Variants in DOCK5 observed in about 807,000 individuals in gnomAD.
DOCK5 encodes the protein dedicator of cytokinesis 5, also known as dedicator of cytokinesis protein 5.
DOCK5 carries 142 observed loss-of-function variants against 251.8 expected under a neutral mutation model. That is an observed-to-expected ratio of 0.56 (90% CI 0.49 to 0.65). The LOEUF is 0.65. DOCK5 is among the 30% of genes least tolerant of loss of function. The pLI, the probability that DOCK5 is intolerant of heterozygous loss-of-function variation, is 0.00. For missense variants in DOCK5, 2,111 were observed against 2,312.3 expected (o/e 0.91, Z 1.79); for synonymous variants, 842 against 835.5 (o/e 1.01, Z -0.13).
At chr8:25,262,052 T>A (rs1803600368) in intron 2 of DOCK5, among the ~76,000 whole-genome samples, 1 of 152,208 alleles carries the variant, frequency 6.6e-6, no homozygotes, top group Admixed American at 6.5e-5. Context: ...TTTTGATGTA[T>A]TCCAGCTTTT....
chr8:25,374,293 C>T (rs987368866), intron 36 of DOCK5, among the ~76,000 whole-genome samples: 3 of 152,068 alleles, frequency 2.0e-5, no homozygotes, highest in African/African-American at 4.8e-5. Context: ...GAGCTGAACA[C>T]TAAATCAACT....
intron 18 of DOCK5, among the ~76,000 whole-genome samples, chr8:25,327,696 C>T (rs541418649): frequency 2.6e-5 from 4 of 152,228 alleles, no homozygotes; most frequent in Admixed American, 2.0e-4. Flanking sequence ...AGCCCCCAGA[C>T]ACATGTAGCT....
In DOCK5 at chr8:25,334,162, A is replaced by G. The variant is rs1805745370; in HGVS notation, c.2158A>G (p.Ile720Val). 1 of 1,613,932 alleles carries G rather than the reference A, an allele frequency of 6.2e-7. No individual in the cohort carries two copies. The highest frequency in any genetic ancestry group is 8.5e-7 in the Non-Finnish European group (1 of 1,179,814). Residue 720 changes from isoleucine (I) to valine (V), a missense_variant, in exon 21 of 52, where the codon ATT (isoleucine) becomes GTT (valine). Transcript: ENST00000276440. The stretch of plus-strand genomic sequence containing the variant: ...TTTTAATCCTGTACTTGAAACCTAC[A>G]TTTACAAGCACTTCAGCGCCACTTT... Reference protein sequence around the residue: ...QHFNPVLETYIYKHFSATLAY... With the variant: ...QHFNPVLETYVYKHFSATLAY...
At chr8:25,335,145 G>A (rs1805772834) in intron 21 of DOCK5, among the ~76,000 whole-genome samples, 1 of 152,216 alleles carries the variant, frequency 6.6e-6, no homozygotes, top group African/African-American at 2.4e-5. Context: ...TGAAAGGAAT[G>A]TAGCTGGATT....
intron 4 of DOCK5, among the ~76,000 whole-genome samples, chr8:25,278,057 C>T (rs1442224589): frequency 6.6e-6 from 1 of 152,098 alleles, no homozygotes; most frequent in Non-Finnish European, 1.5e-5. Context: ...TGTGAAACTG[C>T]AGATGAGAAG....
intron 1 of DOCK5, among the ~76,000 whole-genome samples, chr8:25,193,995 G>A (rs922377652): frequency 1.1e-4 from 16 of 151,832 alleles, no homozygotes; most frequent in Non-Finnish European, 1.9e-4. Context: ...TTCACAAAAC[G>A]ATAATTGAAG....
At position 25,187,660 on chromosome 8, in the gene DOCK5, C is replaced by G. The variant is rs576663941; in HGVS notation, c.43+2709C>G. ...GTCAACAGGATAAAGTCTGAGCCTC[C>G]GTTCCAAGGTTCCTATAATCTGGTT... On this transcript the variant is annotated intron_variant, in intron 1 of 51. Coordinates refer to ENST00000276440, the MANE Select transcript of DOCK5 (RefSeq NM_024940.8). Among the ~76,000 whole-genome samples, 145 of 152,112 alleles carry G rather than the reference C, an allele frequency of 9.5e-4. 1 individual carries two copies. Among genetic ancestry groups the G allele is most frequent in the African/African-American group, 3.5e-3 (144 of 41,500 alleles).
intron 2 of DOCK5, among the ~76,000 whole-genome samples, chr8:25,257,760 A>G (rs915052399): frequency 2.0e-5 from 3 of 152,140 alleles, no homozygotes; most frequent in Non-Finnish European, 4.4e-5. Flanking sequence ...AGTGGGCCTC[A>G]TGTTGGTTGA....
At chr8:25,343,157 C>G (rs1413248642) in intron 25 of DOCK5, among the ~76,000 whole-genome samples, 1 of 151,368 alleles carries the variant, frequency 6.6e-6, no homozygotes, top group East Asian at 1.9e-4. Flanking sequence ...CATCACCACA[C>G]CCAGCTAATT....
chr8:25,227,005 C>T (rs891977030), intron 1 of DOCK5, among the ~76,000 whole-genome samples: 3 of 152,168 alleles, frequency 2.0e-5, no homozygotes, highest in African/African-American at 4.8e-5. Context: ...ATTTATTTCA[C>T]GTTTCCTTTT....
chr8:25,299,490 A>G (rs182942965), intron 8 of DOCK5: 1 of 158,894 alleles, frequency 6.3e-6, no homozygotes, highest in African/African-American at 2.4e-5. Flanking sequence ...GTCTAAATGC[A>G]CAGGACGTTC....
chr8:25,311,438 G>A (rs111719087), intron 13 of DOCK5, among the ~76,000 whole-genome samples: 8,809 of 151,540 alleles, frequency 0.058, 349 homozygotes, highest in Middle Eastern at 0.11. Flanking sequence ...AGCTACTCGG[G>A]AGGCTGAGGC....
At chr8:25,283,531 G>A (rs989021224) in intron 5 of DOCK5, among the ~76,000 whole-genome samples, 30 of 152,154 alleles carry the variant, frequency 2.0e-4, no homozygotes, top group Non-Finnish European at 1.0e-4. Flanking sequence ...AGACCACAAG[G>A]ACTCCGCCAA....
chr8:25,384,451 A>ATTTTTTTTTTTTTTTTTTTTTT (rs1311005105), intron 40 of DOCK5, among the ~76,000 whole-genome samples: 1 of 26,550 alleles, frequency 3.8e-5, no homozygotes, highest in Non-Finnish European at 1.0e-4. Flanking sequence ...TTATTTATTT[A>ATTTTTTTTTTTTTTTTTTTTTT]TTTATTTATT....
intron 11 of DOCK5, chr8:25,304,587 C>T: frequency 2.5e-6 from 1 of 396,620 alleles, no homozygotes; most frequent in Non-Finnish European, 4.5e-6. Flanking sequence ...TCTGTCTGCT[C>T]TGGAATGCAG....
chr8:25,324,620 C>T (rs1003518949), intron 17 of DOCK5, among the ~76,000 whole-genome samples: 2 of 152,186 alleles, frequency 1.3e-5, no homozygotes, highest in Non-Finnish European at 2.9e-5. Flanking sequence ...ATTCTTCTTC[C>T]ATCAACCCAA....
At chr8:25,318,437 T>G (rs1805321777) in intron 14 of DOCK5, among the ~76,000 whole-genome samples, 1 of 151,698 alleles carries the variant, frequency 6.6e-6, no homozygotes, top group South Asian at 2.1e-4. Context: ...CTTTTCTTTT[T>G]TTTTCTCTGT....
At position 25,405,135 on chromosome 8, in the gene DOCK5, T is replaced by C. The variant is rs542472258; in HGVS notation, c.5093+1411T>C. Among the ~76,000 whole-genome samples the C allele has an allele frequency of 3.9e-4, 60 of 152,286 alleles. No individual in the cohort carries two copies. The South Asian group carries it at 5.6e-3, about 14-fold the overall frequency. Reference sequence around the variant, plus strand: ...TCTCCTTTATCTTTTGACTTCTAATTTGTTGCTTCTAATTTTTTATTGAGT... The same window carrying C: ...TCTCCTTTATCTTTTGACTTCTAATCTGTTGCTTCTAATTTTTTATTGAGT... On this transcript the variant is annotated intron_variant, in intron 48 of 51. Transcript: ENST00000276440.
intron 11 of DOCK5, chr8:25,305,012 C>T (rs944594094): frequency 9.8e-5 from 15 of 152,384 alleles, no homozygotes; most frequent in African/African-American, 2.4e-4. Flanking sequence ...AGATTCAAGC[C>T]GTGTCACTCT....
Sources: allele counts gnomAD v4.1 joint callset (sites outside exome capture counted in the v4.1 genomes callset), GRCh38; gene constraint gnomAD v4.1.1; transcripts MANE v1.5; gene names NCBI Gene and HGNC (gene_info 2026-07-23, HGNC 2026-07-21).